EPHB2: variants seen among roughly 807,000 people sequenced by gnomAD.
EPHB2 encodes the protein ephrin type-B receptor 2.
Under a neutral mutation model 96.4 loss-of-function variants are expected in EPHB2, and 18 were observed. The observed-to-expected ratio is 0.19, with a 90% confidence interval of 0.13 to 0.28. EPHB2 has a LOEUF of 0.28. Among genes scored for constraint, EPHB2 ranks in the 10% least tolerant of loss-of-function variants. The pLI is 1.00. For missense variants in EPHB2, 989 were observed against 1,355.4 expected (o/e 0.73, Z 4.25); for synonymous variants, 506 against 534.1 (o/e 0.95, Z 0.72).
In EPHB2 at chr1:22,873,532, A is replaced by G. The variant is rs112462411; in HGVS notation, c.1303+8320A>G. On this transcript the variant is annotated intron_variant, in intron 5 of 15. Coordinates refer to ENST00000374630, the MANE Select transcript of EPHB2 (RefSeq NM_017449.5). ...GAGTCAGAGAGAGAGAGAGAACTACATAAGTTACAGGGCAAAGGGTGTAGA... is the reference window on the plus strand; with the variant it reads ...GAGTCAGAGAGAGAGAGAGAACTACGTAAGTTACAGGGCAAAGGGTGTAGA... Among the ~76,000 whole-genome samples, 35 of 152,374 alleles carry G rather than the reference A, an allele frequency of 2.3e-4. 1 individual carries two copies. The highest frequency in any genetic ancestry group is 7.9e-4 in the African/African-American group (33 of 41,592).
In EPHB2 at chr1:22,825,698, G is replaced by A. The variant is rs148809790; in HGVS notation, c.812-37339G>A. On this transcript the variant is annotated intron_variant, in intron 3 of 15. Transcript: ENST00000374630. ...AACTAAGTGGGAGCCAGGGGCTAGG[G>A]CCACCCTGGGGGCCAGGTGTGGCCT... Among the ~76,000 whole-genome samples, 588 of 152,336 alleles carry A rather than the reference G, an allele frequency of 3.9e-3. 2 individuals are homozygous for A. Among genetic ancestry groups the A allele is most frequent in the African/African-American group, 0.014 (566 of 41,578 alleles).
chr1:22,732,875 C>CA (rs905796752), intron 1 of EPHB2, among the ~76,000 whole-genome samples: 8 of 152,132 alleles, frequency 5.3e-5, no homozygotes, highest in South Asian at 2.1e-4. Context: ...ACATCACACA[C>CA]AAAAAATCAG....
chr1:22,917,810 A>T lies in EPHB2; in HGVS notation c.*4240A>T, dbSNP rs993650395. On this transcript the variant is annotated 3_prime_UTR_variant, in exon 16 of 16. Transcript: ENST00000374630. ...GATGATGAGAAACAGTTGGTGTCTG[A>T]TGCTGGCCAATAAGAGAAAAGAAAG... The T allele has an allele frequency of 6.6e-6, 1 of 152,202 alleles. No individual in the cohort carries two copies. The highest frequency in any genetic ancestry group is 2.4e-5 in the African/African-American group (1 of 41,418). 9.4% of individuals were successfully genotyped at this position (152,202 alleles called of 1,614,324 possible). A position where few individuals can be genotyped will look rare whatever the true frequency, so the allele number is the denominator to read the frequency against.
At chr1:22,838,764 T>TA (rs955222714) in intron 3 of EPHB2, among the ~76,000 whole-genome samples, 26 of 151,522 alleles carry the variant, frequency 1.7e-4, no homozygotes, top group Admixed American at 4.6e-4. Context: ...CCGTCTCTAC[T>TA]AAAAAAAATA....
chr1:22,808,143 AAAAAGAAAAAG>A (rs1007477778), intron 3 of EPHB2, among the ~76,000 whole-genome samples: 9 of 150,924 alleles, frequency 6.0e-5, no homozygotes, highest in African/African-American at 2.2e-4. Flanking sequence ...AAAAAAAAAG[AAAAAGAAAAAG>A]AAAAGAAAAG....
At position 22,790,760 on chromosome 1, in the gene EPHB2, G is replaced by C. The variant is rs1261896962; in HGVS notation, c.811+5684G>C. On this transcript the variant is annotated intron_variant, in intron 3 of 15. Coordinates refer to ENST00000374630, the MANE Select transcript of EPHB2 (RefSeq NM_017449.5). This position sits in a 1 kb window ranked among gnomAD's most constrained non-coding sequence, Gnocchi z 4.0. ...CATGATTGCTGCGATGCTATCGGACGTAATGGGATTTTTAATATTTAGCTT... is the reference window on the plus strand; with the variant it reads ...CATGATTGCTGCGATGCTATCGGACCTAATGGGATTTTTAATATTTAGCTT... 6.6e-6 allele frequency among the ~76,000 whole-genome samples: 1 copy of C among 152,250 alleles called. No individual in the cohort carries two copies. Among genetic ancestry groups the C allele is most frequent in the Non-Finnish European group, 1.5e-5 (1 of 68,054 alleles).
rs1401218603 is a variant in EPHB2, at chr1:22,868,690, G to A, written c.1303+3478G>A. Among the ~76,000 whole-genome samples the A allele has an allele frequency of 3.3e-5, 5 of 152,114 alleles. No individual in the cohort carries two copies. The East Asian group carries it at 5.8e-4, about 18-fold the overall frequency. On this transcript the variant is annotated intron_variant, in intron 5 of 15. Coordinates refer to ENST00000374630, the MANE Select transcript of EPHB2 (RefSeq NM_017449.5). ...TCTCATTGGCCAAAACAAGTCCCAC[G>A]GCCAAGCCCAGCATCAGTGGGATGG... is the stretch of plus-strand genomic sequence containing the variant.
intron 1 of EPHB2, among the ~76,000 whole-genome samples, chr1:22,744,582 G>C (rs186097355): frequency 6.8e-6 from 1 of 147,842 alleles, no homozygotes; most frequent in Non-Finnish European, 1.5e-5. Flanking sequence ...GAGAGGCTCA[G>C]GCAGGAGGAT....
chr1:22,719,576 C>T (rs778664014), intron 1 of EPHB2: 1 of 152,544 alleles, frequency 6.6e-6, no homozygotes, highest in Admixed American at 6.5e-5. Context: ...TGTTGCAAGT[C>T]GGTGGAGACG....
rs534429083 is a variant in EPHB2 at position 22,714,144 on chromosome 1, C to T, written c.61+3101C>T. Among the ~76,000 whole-genome samples, 38 of 152,206 alleles carry T rather than the reference C, an allele frequency of 2.5e-4. No homozygotes were observed. In the South Asian group the frequency reaches 7.5e-3, roughly 30 times the overall value. On this transcript the variant is annotated intron_variant, in intron 1 of 15. Coordinates refer to ENST00000374630, the MANE Select transcript of EPHB2 (RefSeq NM_017449.5). The stretch of plus-strand genomic sequence containing the variant: ...CTGGACTCCGGGGCAGGCAAGGAGA[C>T]GGGACAAGCTGACAGGGAAAAGAGT...
At chr1:22,901,925 A>G (rs1639766081) in intron 9 of EPHB2, among the ~76,000 whole-genome samples, 2 of 152,034 alleles carry the variant, frequency 1.3e-5, no homozygotes, top group African/African-American at 4.8e-5. Flanking sequence ...TCCTGGACTC[A>G]AGCAATCCTC....
rs1278004022 is a variant in EPHB2, at chr1:22,858,053, G to T, written c.812-4984G>T. On this transcript the variant is annotated intron_variant, in intron 3 of 15. Transcript: ENST00000374630. This position sits in a 1 kb window ranked among gnomAD's most constrained non-coding sequence, Gnocchi z 7.7. ...GCAAGAGACAATTGCTTTAGCCAGG[G>T]TGGTCAGGGTGGGCCTCTCGGAGGA... Among the ~76,000 whole-genome samples, 1 of 152,174 alleles carries T rather than the reference G, an allele frequency of 6.6e-6. No homozygotes were observed. Among genetic ancestry groups the T allele is most frequent in the African/African-American group, 2.4e-5 (1 of 41,444 alleles).
Position 22,875,832 on chromosome 1 carries a change from G to T in EPHB2, c.1304-6527G>T, listed in dbSNP as rs969490587. Among the ~76,000 whole-genome samples the T allele has an allele frequency of 6.6e-6, 1 of 152,144 alleles. No homozygotes were observed. The highest frequency in any genetic ancestry group is 1.9e-4 in the East Asian group (1 of 5,192). ...AAGGGGCTACTGGAGGGGAGAGGTA[G>T]TTCAGGAGGGCATCTCGGAGGAGTT... On this transcript the variant is annotated intron_variant, in intron 5 of 15. Transcript: ENST00000374630. The surrounding 1 kb of genome is among the most constrained non-coding windows in gnomAD (Gnocchi z 4.2).
At position 22,842,305 on chromosome 1, in the gene EPHB2, C is replaced by T. The variant is rs570805924; in HGVS notation, c.812-20732C>T. Among the ~76,000 whole-genome samples, 32 of 152,258 alleles carry T rather than the reference C, an allele frequency of 2.1e-4. No homozygotes were observed. The South Asian group carries it at 6.2e-3, about 30-fold the overall frequency. ...ATCATGAAATATTCCAAAGGAAATA[C>T]GTTTATTCCTTTGCAGAAGGATAAC... On this transcript the variant is annotated intron_variant, in intron 3 of 15. Transcript: ENST00000374630.
chr1:22,750,655 C>G (rs1224353025), intron 1 of EPHB2, among the ~76,000 whole-genome samples: 1 of 152,228 alleles, frequency 6.6e-6, no homozygotes, highest in Non-Finnish European at 1.5e-5. Flanking sequence ...AAGCTCAGAA[C>G]CTGCTAGGGA....
intron 1 of EPHB2, among the ~76,000 whole-genome samples, chr1:22,744,875 AAAG>A (rs1643950602): frequency 6.6e-6 from 1 of 151,976 alleles, no homozygotes; most frequent in African/African-American, 2.4e-5. Flanking sequence ...AAAAAGAAAA[AAAG>A]AAAATCACAA....
chr1:22,906,135 A>G lies in EPHB2; in HGVS notation c.1888+26A>G. 6.2e-7 allele frequency: 1 copy of G among 1,614,106 alleles called. No homozygotes were observed. The highest frequency in any genetic ancestry group is 1.1e-5 in the South Asian group (1 of 91,070). On this transcript the variant is annotated intron_variant, in intron 10 of 15. Coordinates refer to ENST00000374630, the MANE Select transcript of EPHB2 (RefSeq NM_017449.5). This position sits in a 1 kb window ranked among gnomAD's most constrained non-coding sequence, Gnocchi z 4.8. ...GTAGGTGGCTGGTACTCTCACATGT[A>G]CTATGACCTTAGCCATGGCTGGTGA...
At chr1:22,816,204 TCCAGGGTGGA>T (rs1276190876) in intron 3 of EPHB2, among the ~76,000 whole-genome samples, 1 of 152,120 alleles carries the variant, frequency 6.6e-6, no homozygotes, top group African/African-American at 2.4e-5. Flanking sequence ...GGTGTCTCTA[TCCAGGGTGGA>T]AGCCTGGCCT....
chr1:22,905,371 C>T (rs1639877343), intron 9 of EPHB2, among the ~76,000 whole-genome samples: 1 of 152,096 alleles, frequency 6.6e-6, no homozygotes. Context: ...TGGGAGGTGG[C>T]CCAGCAGCTG....
Sources: gnomAD v4.1 joint callset for allele counts (sites outside exome capture counted in the v4.1 genomes callset) on GRCh38, gnomAD v4.1.1 for gene constraint, Gnocchi (gnomAD v3.1) non-coding constraint, MANE v1.5 for transcripts, NCBI Gene and HGNC (gene_info 2026-07-23, HGNC 2026-07-21) for gene names.